KATNIP: variants seen among roughly 807,000 people sequenced by gnomAD.
KATNIP encodes the protein katanin interacting protein, also known as katanin-interacting protein.
In KATNIP, 126 loss-of-function variants were observed where a neutral mutation model predicts 174.0. The ratio of observed to expected loss-of-function variants is 0.72; its 90% CI spans 0.63 to 0.84. The LOEUF is 0.84. Ranked by LOEUF, KATNIP falls within the 40% of genes least tolerant of loss-of-function variation. KATNIP has a pLI of 0.00. For synonymous variants in KATNIP, 810 were observed against 835.7 expected (o/e 0.97, Z 0.53); for missense variants, 1,958 against 2,109.7 (o/e 0.93, Z 1.41).
chr16:27,628,903 C>A, intron 4 of KATNIP, 73 bp downstream of exon 4: 2 of 1,473,202 alleles, frequency 1.4e-6, no homozygotes, highest in Non-Finnish European at 1.9e-6. Context: ...TGCAGTGGCT[C>A]ACACCTGTAA....
intron 1 of KATNIP, among the ~76,000 whole-genome samples, chr16:27,572,325 T>G (rs1470336640): frequency 6.7e-6 from 1 of 150,050 alleles, no homozygotes; most frequent in African/African-American, 2.5e-5. Flanking sequence ...TTTTTCATCC[T>G]TAAATCCTAG....
In KATNIP at chr16:27,674,888, C is replaced by T. The variant is rs1348126195; in HGVS notation, c.541-2841C>T. Among the ~76,000 whole-genome samples, 4 of 152,306 alleles carry T rather than the reference C, an allele frequency of 2.6e-5. No homozygotes were observed. The South Asian group carries it at 8.3e-4, about 32-fold the overall frequency. On this transcript the variant is annotated intron_variant, in intron 6 of 27. Coordinates refer to ENST00000261588, the MANE Select transcript of KATNIP (RefSeq NM_015202.5). Reference sequence around the variant, plus strand: ...CCGTAACAACTCAAGTCCAGAATATCATCTAAGTCTCGTCAGCTCAAAACT... The same window carrying T: ...CCGTAACAACTCAAGTCCAGAATATTATCTAAGTCTCGTCAGCTCAAAACT...
Position 27,640,735 on chromosome 16 carries a change from G to A in KATNIP, c.409-7869G>A, listed in dbSNP as rs559991153. 7.5e-5 allele frequency among the ~76,000 whole-genome samples: 11 copies of A among 146,654 alleles called. No homozygotes were observed. In the South Asian group the frequency reaches 1.1e-3, roughly 14 times the overall value. ...TTTCAGAACCTTGTATGCAGTCGGC[G>A]CTCAGTAAAAGCTTGCTGATTCAGT... is the stretch of plus-strand genomic sequence containing the variant. On this transcript the variant is annotated intron_variant, in intron 5 of 27. Transcript: ENST00000261588.
intron 16 of KATNIP, among the ~76,000 whole-genome samples, 166 bp downstream of exon 16, chr16:27,750,472 T>C (rs2081466947): frequency 6.7e-6 from 1 of 148,870 alleles, no homozygotes; most frequent in Non-Finnish European, 1.5e-5. Context: ...CAGGCTGGAG[T>C]GCAGTGGCGC....
intron 13 of KATNIP, among the ~76,000 whole-genome samples, chr16:27,710,753 C>T (rs2079540088): frequency 6.6e-6 from 1 of 152,180 alleles, no homozygotes; most frequent in African/African-American, 2.4e-5. Context: ...CCCACCTTGG[C>T]CTCCCAAAGT....
chr16:27,600,924 G>C (rs1398871945), intron 2 of KATNIP, among the ~76,000 whole-genome samples: 1 of 151,934 alleles, frequency 6.6e-6, no homozygotes, highest in Non-Finnish European at 1.5e-5. Flanking sequence ...GTAGAGACAG[G>C]GTTTCACCAT....
chr16:27,755,151 A>G (rs2081668390), intron 18 of KATNIP: 1 of 152,282 alleles, frequency 6.6e-6, no homozygotes, highest in Non-Finnish European at 1.5e-5. Context: ...ATCTTCTGAG[A>G]CAAAAGATGT....
intron 13 of KATNIP, chr16:27,718,336 C>G (rs915821182): frequency 2.6e-5 from 4 of 152,252 alleles, no homozygotes; most frequent in South Asian, 2.1e-4. Flanking sequence ...TTCCTTACCC[C>G]CTGTGTTGGG....
intron 6 of KATNIP, among the ~76,000 whole-genome samples, chr16:27,672,524 A>G (rs931111162): frequency 7.9e-5 from 12 of 152,100 alleles, no homozygotes; most frequent in Non-Finnish European, 7.4e-5. Context: ...CTGCACTGCT[A>G]CCTCTGCCCT....
At chr16:27,726,503 G>A (rs755892370) in intron 14 of KATNIP, among the ~76,000 whole-genome samples, 6 of 152,196 alleles carry the variant, frequency 3.9e-5, no homozygotes, top group South Asian at 2.1e-4. Context: ...GTAGCCACAC[G>A]TGGCTGGTGA....
At chr16:27,712,416 A>C (rs1597253336) in intron 13 of KATNIP, among the ~76,000 whole-genome samples, 1 of 152,124 alleles carries the variant, frequency 6.6e-6, no homozygotes, top group Non-Finnish European at 1.5e-5. Flanking sequence ...TAACCCTCAC[A>C]TGAACCTTGG....
chr16:27,615,366 T>A (rs547601438), intron 2 of KATNIP, among the ~76,000 whole-genome samples: 211 of 151,410 alleles, frequency 1.4e-3, no homozygotes, highest in African/African-American at 4.1e-3. Flanking sequence ...TATTATTATT[T>A]TTTTTTGAGA....
intron 2 of KATNIP, among the ~76,000 whole-genome samples, chr16:27,576,776 CCCAGGATG>C (rs1288666958): frequency 1.3e-5 from 2 of 152,162 alleles, no homozygotes; most frequent in Non-Finnish European, 2.9e-5. Context: ...CTGTGCCTTA[CCCAGGATG>C]CCAGGTATAG....
chr16:27,580,846 C>A (rs1346692658), intron 2 of KATNIP, among the ~76,000 whole-genome samples: 1 of 151,966 alleles, frequency 6.6e-6, no homozygotes, highest in East Asian at 1.9e-4. Context: ...ACATTTAAGG[C>A]CAAATATATT....
intron 12 of KATNIP, 121 bp from the exon 13 acceptor site, chr16:27,708,584 A>T: frequency 1.5e-6 from 1 of 667,810 alleles, no homozygotes. Flanking sequence ...CTCATTGTAC[A>T]GATGGAGAGA....
chr16:27,618,553 A>G (rs763554104), intron 3 of KATNIP, 52 bp downstream of exon 3: 6 of 1,306,580 alleles, frequency 4.6e-6, no homozygotes, highest in Admixed American at 1.7e-5. Context: ...GTAAAAATCT[A>G]TTTAGATTTA....
At position 27,573,943 on chromosome 16, in the gene KATNIP, G is replaced by T. The variant is rs142272736; in HGVS notation, c.50G>T (p.Arg17Leu). The stretch of plus-strand genomic sequence containing the variant: ...GCCGAGAGAAGCTGGTCCTGCTCAC[G>T]AGAGAAAAAGGAGGTAAATGTGTCC... ...RKAERSWSCS[R>L]EKKEGYAKDM... Residue 17 changes from arginine to leucine, a missense_variant, in exon 2 of 28, where the codon CGA becomes CTA. By Grantham distance (102) the Arg-to-Leu change is moderately radical (BLOSUM62 -2). Transcript: ENST00000261588. 1 of 1,614,134 alleles carries T rather than the reference G, an allele frequency of 6.2e-7. No homozygotes were observed. The highest frequency in any genetic ancestry group is 1.3e-5 in the African/African-American group (1 of 75,044).
In KATNIP at chr16:27,776,900, T is replaced by TGTTTTAATTA; in HGVS notation, c.4450-25_4450-16dup. On this transcript the variant is annotated intron_variant, in intron 24 of 27. Coordinates refer to ENST00000261588, the MANE Select transcript of KATNIP (RefSeq NM_015202.5). This position sits in a 1 kb window ranked among gnomAD's most constrained non-coding sequence, Gnocchi z 4.7. ...AAGCGCCTCTGTTTCCAAACATGCC[T>TGTTTTAATTA]GTTTTAATTAGTGCCGCTCTCTGAC... 6.6e-7 allele frequency: 1 copy of TGTTTTAATTA among 1,515,968 alleles called. No homozygotes were observed. Among genetic ancestry groups the TGTTTTAATTA allele is most frequent in the South Asian group, 1.1e-5 (1 of 88,916 alleles). The allele number at this position is 1,515,968 out of a possible 1,614,324, so 93.9% of individuals were successfully genotyped here.
Position 27,749,962 on chromosome 16 carries a change from C to T in KATNIP, c.3002C>T (p.Ser1001Phe). Residue 1001 changes from serine to phenylalanine, a missense_variant, in exon 16 of 28, where the codon TCC becomes TTC. Coordinates refer to ENST00000261588, the MANE Select transcript of KATNIP (RefSeq NM_015202.5). The part of the protein sequence containing the change: ...VGLNGIEIFS[S>F]KGEPVQISNI... ...CTCAACGGAATAGAAATATTCAGTT[C>T]CAAGGGTGAACCGGTGCAGATTTCA... 1 of 1,614,208 alleles carries T rather than the reference C, an allele frequency of 6.2e-7. No homozygotes were observed. The highest frequency in any genetic ancestry group is 8.5e-7 in the Non-Finnish European group (1 of 1,180,026).
Sources: allele counts gnomAD v4.1 joint callset (sites outside exome capture counted in the v4.1 genomes callset), GRCh38; gene constraint gnomAD v4.1.1; non-coding constraint Gnocchi (gnomAD v3.1); transcripts MANE v1.5; gene names NCBI Gene and HGNC (gene_info 2026-07-23, HGNC 2026-07-21).